The following LRP1B variants were observed in gnomAD, a reference collection of about 807,000 sequenced individuals.
The protein encoded by LRP1B is low-density lipoprotein receptor-related protein 1B.
Under a neutral mutation model 556.6 loss-of-function variants are expected in LRP1B, and 217 were observed. The observed-to-expected ratio is 0.39, with a 90% confidence interval of 0.35 to 0.44. The LOEUF (loss-of-function observed/expected upper bound fraction) is 0.44, where lower values mean the gene tolerates loss of function less well. Among genes scored for constraint, LRP1B ranks in the 20% least tolerant of loss-of-function variants. LRP1B has a pLI of 1.00. For synonymous variants in LRP1B, 2,047 were observed against 1,865.8 expected, an observed-to-expected ratio of 1.10 and a Z score of -2.50; for missense variants, 5,053 against 5,620.8, an observed-to-expected ratio of 0.90 and a Z score of 3.23.
At chr2:140,627,473 T>C (rs1683705749) in intron 41 of LRP1B, among the ~76,000 whole-genome samples, 1 of 151,986 alleles carries the variant, frequency 6.6e-6, no homozygotes, top group African/African-American at 2.4e-5. Flanking sequence ...TTTTGGACTC[T>C]TGGACCTACA....
At chr2:141,578,919 C>T (rs1686856885) in intron 2 of LRP1B, among the ~76,000 whole-genome samples, 1 of 152,138 alleles carries the variant, frequency 6.6e-6, no homozygotes, top group African/African-American at 2.4e-5. Context: ...GTAAGCAATA[C>T]ATTTGCAATA....
chr2:141,231,173 A>G (rs1683444627), intron 5 of LRP1B, among the ~76,000 whole-genome samples: 1 of 152,372 alleles, frequency 6.6e-6, no homozygotes, highest in South Asian at 2.1e-4. Context: ...TAAAGGTAGG[A>G]CAAAAACCAG....
At chr2:141,843,038 G>T (rs1045093877) in intron 1 of LRP1B, among the ~76,000 whole-genome samples, 1 of 151,998 alleles carries the variant, frequency 6.6e-6, no homozygotes, top group Non-Finnish European at 1.5e-5. Context: ...AACTGAGAGG[G>T]AAAATGAAAC....
intron 27 of LRP1B, among the ~76,000 whole-genome samples, chr2:140,863,223 C>T (rs896702145): frequency 7.2e-5 from 11 of 152,166 alleles, no homozygotes; most frequent in Non-Finnish European, 1.5e-4. Context: ...CACACATATA[C>T]ACTTCAATCC....
At chr2:140,349,183 T>C (rs1681841142) in intron 77 of LRP1B, among the ~76,000 whole-genome samples, 1 of 152,016 alleles carries the variant, frequency 6.6e-6, no homozygotes, top group Non-Finnish European at 1.5e-5. Flanking sequence ...TGGAGACCCC[T>C]GAACTAGAAC....
intron 9 of LRP1B, 50 bp downstream of exon 9, chr2:141,058,833 C>T (rs1040871812): frequency 4.1e-6 from 6 of 1,455,122 alleles, no homozygotes; most frequent in Non-Finnish European, 5.5e-6. Flanking sequence ...AGGACTATAT[C>T]CCCATTCAAT....
chr2:141,318,946 T>A (rs1687127753), intron 3 of LRP1B, among the ~76,000 whole-genome samples: 2 of 152,094 alleles, frequency 1.3e-5, no homozygotes, highest in African/African-American at 4.8e-5. Context: ...AGAACAGCTT[T>A]TCAATTTTAC....
At chr2:141,548,277 C>T (rs942129197) in intron 2 of LRP1B, among the ~76,000 whole-genome samples, 18 of 152,190 alleles carry the variant, frequency 1.2e-4, no homozygotes, top group Non-Finnish European at 2.4e-4. Context: ...TGTTAGTTTG[C>T]TGTCATTATT....
intron 2 of LRP1B, among the ~76,000 whole-genome samples, chr2:141,530,288 A>T (rs1372161457): frequency 6.6e-6 from 1 of 152,098 alleles, no homozygotes; most frequent in Non-Finnish European, 1.5e-5. Context: ...CTGGAGGATG[A>T]GAAGATGTGG....
At chr2:141,350,094 C>T (rs1271334569) in intron 3 of LRP1B, among the ~76,000 whole-genome samples, 1 of 152,008 alleles carries the variant, frequency 6.6e-6, no homozygotes, top group Non-Finnish European at 1.5e-5. Flanking sequence ...ATGAGACCCC[C>T]TCACTGTCAC....
chr2:140,489,763 C>CA (rs1688623333), intron 57 of LRP1B, among the ~76,000 whole-genome samples: 1 of 152,012 alleles, frequency 6.6e-6, no homozygotes, highest in South Asian at 2.1e-4. Flanking sequence ...AGGGAAAAAG[C>CA]AGAGAGAAAC....
chr2:141,695,595 T>A (rs1457387377), intron 2 of LRP1B, among the ~76,000 whole-genome samples: 5 of 152,008 alleles, frequency 3.3e-5, no homozygotes, highest in African/African-American at 1.2e-4. Context: ...CTGGTTTTCC[T>A]GACTTCATCC....
At chr2:141,542,544 C>A (rs1031534149) in intron 2 of LRP1B, among the ~76,000 whole-genome samples, 3 of 151,938 alleles carry the variant, frequency 2.0e-5, no homozygotes, top group Non-Finnish European at 4.4e-5. Flanking sequence ...TACCATACTT[C>A]TGATATAGAA....
intron 20 of LRP1B, among the ~76,000 whole-genome samples, chr2:140,938,915 C>T (rs1417854041): frequency 6.6e-6 from 1 of 151,940 alleles, no homozygotes; most frequent in Admixed American, 6.6e-5. Flanking sequence ...AAGAAATAAA[C>T]AATAACAAAA....
intron 2 of LRP1B, among the ~76,000 whole-genome samples, chr2:141,664,368 C>T (rs1204018652): frequency 1.3e-5 from 2 of 152,094 alleles, no homozygotes; most frequent in South Asian, 2.1e-4. Context: ...GGCAATCAGA[C>T]AAGAGAAAGA....
intron 1 of LRP1B, among the ~76,000 whole-genome samples, chr2:142,035,871 G>A (rs1282292257): frequency 6.6e-6 from 1 of 151,688 alleles, no homozygotes; most frequent in Non-Finnish European, 1.5e-5. Context: ...GGAGGTAATT[G>A]AATCACGGGA....
intron 7 of LRP1B, among the ~76,000 whole-genome samples, chr2:141,157,703 A>T (rs1702102591): frequency 6.6e-6 from 1 of 152,104 alleles, no homozygotes; most frequent in South Asian, 2.1e-4. Flanking sequence ...GTGCTGTAAA[A>T]AAGTTTACTA....
intron 66 of LRP1B, among the ~76,000 whole-genome samples, chr2:140,437,686 T>G (rs1686246002): frequency 6.6e-6 from 1 of 152,200 alleles, no homozygotes; most frequent in African/African-American, 2.4e-5. Flanking sequence ...TGGAAGTATA[T>G]TTACAAAGTA....
chr2:141,049,826 G>A (rs1387802032), intron 10 of LRP1B, among the ~76,000 whole-genome samples: 1 of 151,988 alleles, frequency 6.6e-6, no homozygotes, highest in African/African-American at 2.4e-5. Context: ...GAATGTTAGA[G>A]GCTGATGCTG....
Sources: allele counts gnomAD v4.1 joint callset (sites outside exome capture counted in the v4.1 genomes callset), GRCh38; gene constraint gnomAD v4.1.1; transcripts MANE v1.5; gene names NCBI Gene and HGNC (gene_info 2026-07-23, HGNC 2026-07-21).